Variants in DHRS4L2 observed in about 807,000 individuals in gnomAD.
The protein encoded by DHRS4L2 is dehydrogenase/reductase SDR family member 4-like 2.
In DHRS4L2, 22 loss-of-function variants were observed where a neutral mutation model predicts 23.9. The ratio of observed to expected loss-of-function variants is 0.92; its 90% CI spans 0.66 to 1.31. The LOEUF is 1.31. Ranked by LOEUF, DHRS4L2 falls within the 40% of genes most tolerant of loss-of-function variation. DHRS4L2 has a pLI of 0.00. For missense variants in DHRS4L2, 385 were observed against 303.3 expected (o/e 1.27, Z -2.00); for synonymous variants, 141 against 123.7 (o/e 1.14, Z -0.93).
intron 1 of DHRS4L2, among the ~76,000 whole-genome samples, chr14:23,971,854 C>T (rs1237966197): frequency 6.6e-6 from 1 of 151,956 alleles, no homozygotes; most frequent in Non-Finnish European, 1.5e-5. Flanking sequence ...AAAGGAACAA[C>T]GGGTACCAGC....
At chr14:23,989,329 G>T (rs1284553176) in intron 1 of DHRS4L2, among the ~76,000 whole-genome samples, 2 of 151,648 alleles carry the variant, frequency 1.3e-5, no homozygotes, top group Non-Finnish European at 2.9e-5. Flanking sequence ...AGTCCCCCCA[G>T]TGTTCTGGGC....
chr14:23,988,894 C>A (rs2034203974), upstream of DHRS4L2: 11 of 1,599,508 alleles, frequency 6.9e-6, no homozygotes, highest in South Asian at 1.2e-4. Context: ...CCCCTTCGCC[C>A]TACTCTGTCA....
At chr14:23,993,856 C>T (rs781228576) in intron 2 of DHRS4L2, among the ~76,000 whole-genome samples, 2 of 151,550 alleles carry the variant, frequency 1.3e-5, no homozygotes, top group African/African-American at 4.8e-5. Flanking sequence ...ACTAATGACC[C>T]CAACTCACTT....
upstream of DHRS4L2, chr14:23,988,747 C>G (rs2034198963): frequency 7.3e-7 from 1 of 1,377,524 alleles, no homozygotes; most frequent in Admixed American, 3.0e-5. Flanking sequence ...GAAGGCAAGC[C>G]CCAGTCAGGC....
intron 1 of DHRS4L2, among the ~76,000 whole-genome samples, chr14:23,974,348 C>G (rs1365805015): frequency 6.6e-6 from 1 of 150,884 alleles, no homozygotes; most frequent in African/African-American, 2.4e-5. Context: ...ACTAGAGAAG[C>G]AAGAGCAAAC....
At chr14:23,978,768 GC>G (rs2034010233) in intron 1 of DHRS4L2, among the ~76,000 whole-genome samples, 1 of 126,324 alleles carries the variant, frequency 7.9e-6, no homozygotes, top group African/African-American at 3.2e-5. Context: ...TCACCACCAG[GC>G]CTGATGTACA....
chr14:24,004,294 G>T, intron 6 of DHRS4L2, 43 bp from the exon 7 acceptor site: 1 of 1,516,852 alleles, frequency 6.6e-7, no homozygotes, highest in South Asian at 1.3e-5. Flanking sequence ...AAAAAGAAAG[G>T]AAAAGAAAAA....
rs1330704780 is a variant in DHRS4L2, at chr14:24,000,899, A to G, written c.445A>G (p.Thr149Ala). The part of the protein sequence containing the change: ...DINVKAPALM[T>A]KAVVPEMEKR... ...TAATGTGAAGGCCCCAGCCCTGATGACAAAGGCAGTGGTGCCAGAAATGGA... is the reference window on the plus strand; with the variant it reads ...TAATGTGAAGGCCCCAGCCCTGATGGCAAAGGCAGTGGTGCCAGAAATGGA... The change falls in exon 4 of 8, where the codon ACA (threonine) becomes GCA (alanine). Residue 149 changes from threonine to alanine, a missense_variant. By Grantham distance (58) the Thr-to-Ala change is moderately conservative. Coordinates refer to ENST00000335125, the MANE Select transcript of DHRS4L2 (RefSeq NM_198083.4). 6.2e-7 allele frequency: 1 copy of G among 1,610,886 alleles called. No individual in the cohort carries two copies. Among genetic ancestry groups the G allele is most frequent in the African/African-American group, 1.4e-5 (1 of 73,552 alleles).
chr14:23,987,860 T>C (rs147098219), upstream of DHRS4L2, among the ~76,000 whole-genome samples: 1,595 of 151,482 alleles, frequency 0.011, 42 homozygotes, highest in African/African-American at 0.037. Flanking sequence ...ATACTTACCT[T>C]TGGGTCTGTT....
At chr14:23,994,613 A>G (rs2034340025) in intron 2 of DHRS4L2, among the ~76,000 whole-genome samples, 1 of 151,664 alleles carries the variant, frequency 6.6e-6, no homozygotes, top group African/African-American at 2.4e-5. Context: ...GCTTGAACCC[A>G]GTAGGTCAAG....
At chr14:23,990,388 C>A in intron 2 of DHRS4L2, 29 bp downstream of exon 2, 1 of 1,591,796 alleles carries the variant, frequency 6.3e-7, no homozygotes, top group Non-Finnish European at 8.6e-7. Context: ...GGCACAGAGC[C>A]AGGAGGTGGA....
At chr14:23,999,369 A>AC (rs2034444294) in intron 3 of DHRS4L2, among the ~76,000 whole-genome samples, 1 of 138,548 alleles carries the variant, frequency 7.2e-6, no homozygotes, top group East Asian at 2.2e-4. Context: ...AAAAAAAAAA[A>AC]AAAAACAATA....
intron 1 of DHRS4L2, chr14:23,970,393 G>T (rs1393101289): frequency 1.0e-5 from 4 of 382,044 alleles, no homozygotes; most frequent in African/African-American, 8.6e-5. Context: ...ACGGGGCCGT[G>T]GGGGAGGGAA....
At position 23,996,207 on chromosome 14, in the gene DHRS4L2, A is replaced by C. The variant is rs913937970; in HGVS notation, c.408+1074A>C. On this transcript the variant is annotated intron_variant, in intron 3 of 7. Coordinates refer to ENST00000335125, the MANE Select transcript of DHRS4L2 (RefSeq NM_198083.4). ...AGGGATCCACCCTCATGACCCAAACACCTCACACCAGGCCCCACCTGGAAC... is the reference window on the plus strand; with the variant it reads ...AGGGATCCACCCTCATGACCCAAACCCCTCACACCAGGCCCCACCTGGAAC... Among the ~76,000 whole-genome samples the C allele has an allele frequency of 2.5e-4, 38 of 151,770 alleles. 1 individual carries two copies. Among genetic ancestry groups the C allele is most frequent in the South Asian group, 1.5e-3 (7 of 4,786 alleles).
At chr14:23,976,792 G>A (rs59807795) in intron 1 of DHRS4L2, among the ~76,000 whole-genome samples, 31,284 of 151,570 alleles carry the variant, frequency 0.21, 5,666 homozygotes, top group African/African-American at 0.47. Flanking sequence ...GGATGAGTTC[G>A]TGTCCTTTGC....
intron 1 of DHRS4L2, among the ~76,000 whole-genome samples, chr14:23,976,937 C>T (rs930186062): frequency 4.0e-5 from 6 of 151,262 alleles, no homozygotes; most frequent in African/African-American, 1.2e-4. Context: ...GGGATCATCA[C>T]ACACCAGGGT....
intron 2 of DHRS4L2, among the ~76,000 whole-genome samples, chr14:23,993,540 T>C (rs1378767884): frequency 1.3e-5 from 2 of 151,716 alleles, no homozygotes; most frequent in Non-Finnish European, 2.9e-5. Flanking sequence ...AATTGCCAGT[T>C]CCGGGCAAAT....
chr14:23,971,852 A>G (rs2033863775), intron 1 of DHRS4L2, among the ~76,000 whole-genome samples: 1 of 152,058 alleles, frequency 6.6e-6, no homozygotes, highest in South Asian at 2.1e-4. Flanking sequence ...GGAAAGGAAC[A>G]ACGGGTACCA....
rs758455757 is a variant in DHRS4L2, at chr14:23,990,371, G to C, written c.306+12G>C. On this transcript the variant is annotated intron_variant, in intron 2 of 7. Transcript: ENST00000335125. ...GGCTGGTGGCCATGGTGAGCTGCAG[G>C]GAAATGGGCACAGAGCCAGGAGGTG... The C allele has an allele frequency of 4.4e-6, 7 of 1,606,536 alleles. No homozygotes were observed. The South Asian group carries it at 7.8e-5, about 18-fold the overall frequency.
Sources: allele counts gnomAD v4.1 joint callset (sites outside exome capture counted in the v4.1 genomes callset), GRCh38; gene constraint gnomAD v4.1.1; transcripts MANE v1.5; gene names NCBI Gene and HGNC (gene_info 2026-07-23, HGNC 2026-07-21).